ADGRL2: variants seen among roughly 807,000 people sequenced by gnomAD.
ADGRL2 encodes the protein calcium-independent alpha-latrotoxin receptor 2.
ADGRL2 carries 44 observed loss-of-function variants against 157.4 expected under a neutral mutation model. That is an observed-to-expected ratio of 0.28 (90% CI 0.22 to 0.36). ADGRL2 has a LOEUF of 0.36. ADGRL2 is among the 10% of genes least tolerant of loss of function. ADGRL2 has a pLI of 1.00. For synonymous variants in ADGRL2, 585 were observed against 624.7 expected (o/e 0.94, Z 0.95); for missense variants, 1,510 against 1,768.9 (o/e 0.85, Z 2.63).
chr1:81,487,304 T>C (rs1156932271), intron 2 of ADGRL2, among the ~76,000 whole-genome samples: 2 of 151,636 alleles, frequency 1.3e-5, no homozygotes, highest in Non-Finnish European at 2.9e-5. Context: ...AGTGGCCAAA[T>C]CACACCTGAA....
At chr1:81,806,227 G>C (rs906167325) in intron 1 of ADGRL2, among the ~76,000 whole-genome samples, 2 of 151,882 alleles carry the variant, frequency 1.3e-5, no homozygotes, top group Non-Finnish European at 2.9e-5. Flanking sequence ...CTTTATTAAT[G>C]GACTAACATC....
intron 2 of ADGRL2, among the ~76,000 whole-genome samples, chr1:81,569,891 G>C (rs181861974): frequency 2.0e-5 from 3 of 152,172 alleles, no homozygotes; most frequent in East Asian, 3.9e-4. Flanking sequence ...GGTTTGACTG[G>C]GGCTTGAAGG....
At chr1:81,673,719 G>A (rs903181037) in intron 3 of ADGRL2, among the ~76,000 whole-genome samples, 25 of 151,990 alleles carry the variant, frequency 1.6e-4, no homozygotes, top group Admixed American at 8.5e-4. Context: ...GGGTTTCACC[G>A]TGTTAGCCAG....
chr1:81,397,541 G>A (rs982822962), intron 1 of ADGRL2, among the ~76,000 whole-genome samples: 4 of 151,890 alleles, frequency 2.6e-5, no homozygotes, highest in Middle Eastern at 3.4e-3. Flanking sequence ...GGATGGTCTC[G>A]ATCTCCTGAC....
At chr1:81,561,009 T>A (rs1260708669) in intron 2 of ADGRL2, among the ~76,000 whole-genome samples, 1 of 152,138 alleles carries the variant, frequency 6.6e-6, no homozygotes, top group Admixed American at 6.6e-5. Context: ...TTCCTCCAGA[T>A]GTTTATTGGG....
At chr1:81,563,077 A>C (rs2080479978) in intron 2 of ADGRL2, among the ~76,000 whole-genome samples, 2 of 152,106 alleles carry the variant, frequency 1.3e-5, no homozygotes, top group African/African-American at 4.8e-5. Flanking sequence ...AATATCTATA[A>C]ACATTTCTCA....
Position 81,984,687 on chromosome 1 carries a change from T to G in ADGRL2, c.3387T>G (p.Ser1129Arg). The G allele has an allele frequency of 6.2e-7, 1 of 1,612,886 alleles. No homozygotes were observed. The highest frequency in any genetic ancestry group is 8.5e-7 in the Non-Finnish European group (1 of 1,179,162). The part of the protein sequence containing the change: ...SSVKASTTRT[S>R]ARYSSGTQSR... Reference sequence around the variant, plus strand: ...TGAAGGCATCAACCACCAGAACCAGTGCTCGCTATTCCTCTGGCACACAGG... The same window carrying G: ...TGAAGGCATCAACCACCAGAACCAGGGCTCGCTATTCCTCTGGCACACAGG... The change falls in exon 20 of 24, where the codon AGT becomes AGG. Residue 1129 changes from serine to arginine, a missense_variant. Transcript: ENST00000686636.
At chr1:81,734,946 T>G (rs1489599921) in intron 1 of ADGRL2, 1 of 141,960 alleles carries the variant, frequency 7.0e-6, no homozygotes, top group Non-Finnish European at 1.6e-5. Context: ...GGCAGGAGAA[T>G]CGCTTAAACC....
intron 2 of ADGRL2, 120 bp from the exon 3 acceptor site, chr1:81,906,897 C>G (rs1224691765): frequency 1.3e-6 from 1 of 763,016 alleles, no homozygotes; most frequent in Non-Finnish European, 2.0e-6. Flanking sequence ...TTAATAAATG[C>G]CTGAATTTTA....
At chr1:81,573,253 G>A (rs554193330) in intron 2 of ADGRL2, among the ~76,000 whole-genome samples, 8 of 152,196 alleles carry the variant, frequency 5.3e-5, no homozygotes, top group Middle Eastern at 3.4e-3. Flanking sequence ...AGGAAGCAGA[G>A]GAGTCTGTGA....
intron 2 of ADGRL2, among the ~76,000 whole-genome samples, chr1:81,483,244 A>G (rs2078428297): frequency 6.6e-6 from 1 of 152,168 alleles, no homozygotes; most frequent in African/African-American, 2.4e-5. Flanking sequence ...TAGAGCGACA[A>G]GTGCCTTTTA....
chr1:81,691,898 A>G (rs1018878450), intron 3 of ADGRL2, among the ~76,000 whole-genome samples: 5 of 145,680 alleles, frequency 3.4e-5, no homozygotes, highest in South Asian at 2.2e-4. Flanking sequence ...ATATATATGT[A>G]TGTGTATATA....
intron 3 of ADGRL2, among the ~76,000 whole-genome samples, chr1:81,638,962 C>T (rs2082164996): frequency 6.6e-6 from 1 of 152,216 alleles, no homozygotes; most frequent in Non-Finnish European, 1.5e-5. Flanking sequence ...CGTGATCACC[C>T]ACTGCGCTTC....
chr1:81,888,008 T>C (rs2094167529), intron 2 of ADGRL2, among the ~76,000 whole-genome samples: 1 of 152,194 alleles, frequency 6.6e-6, no homozygotes, highest in South Asian at 2.1e-4. Flanking sequence ...TCAAGCGGCC[T>C]TCTATGCCAT....
chr1:81,841,993 A>C (rs1489214259), intron 2 of ADGRL2, among the ~76,000 whole-genome samples: 2 of 152,122 alleles, frequency 1.3e-5, no homozygotes, highest in East Asian at 3.9e-4. Context: ...AAGTGATGAT[A>C]CGGCAGAATC....
At chr1:81,482,333 T>C (rs1205427871) in intron 2 of ADGRL2, among the ~76,000 whole-genome samples, 1 of 152,242 alleles carries the variant, frequency 6.6e-6, no homozygotes, top group Non-Finnish European at 1.5e-5. Context: ...CAGTGATTCA[T>C]TGTGTCCTTA....
intron 3 of ADGRL2, among the ~76,000 whole-genome samples, chr1:81,664,733 T>C (rs1304091011): frequency 6.6e-6 from 1 of 152,196 alleles, no homozygotes; most frequent in African/African-American, 2.4e-5. Context: ...ACAAATGATA[T>C]AGCATTGCAA....
chr1:81,323,492 A>G (rs190587663), intron 1 of ADGRL2, among the ~76,000 whole-genome samples: 66 of 150,346 alleles, frequency 4.4e-4, no homozygotes, highest in Non-Finnish European at 8.3e-4. Flanking sequence ...GACTCAAACA[A>G]TCCTCCTACC....
intron 2 of ADGRL2, among the ~76,000 whole-genome samples, chr1:81,889,507 T>G (rs1263446490): frequency 2.0e-5 from 3 of 152,134 alleles, no homozygotes; most frequent in Non-Finnish European, 4.4e-5. Context: ...TGGAGGAAAG[T>G]TTACAGTTAC....
Sources: gnomAD v4.1 joint callset for allele counts (sites outside exome capture counted in the v4.1 genomes callset) on GRCh38, gnomAD v4.1.1 for gene constraint, MANE v1.5 for transcripts, NCBI Gene and HGNC (gene_info 2026-07-23, HGNC 2026-07-21) for gene names.